OR1J2: variants seen among roughly 807,000 people sequenced by gnomAD.
OR1J2 encodes the protein olfactory receptor 1J2.
For synonymous variants in OR1J2, 142 were observed against 99.7 expected (o/e 1.42, Z -2.52); for missense variants, 304 against 246.1 (o/e 1.24, Z -1.57).
the OR1J2 span, among the ~76,000 whole-genome samples, chr9:122,531,852 T>TGC: frequency 3.9e-5 from 6 of 152,296 alleles, no homozygotes; most frequent in South Asian, 4.1e-4. Flanking sequence ...GAAATGACCA[T>TGC]GGTGGCCTTC....
At chr9:122,577,881 GTGTT>G in the OR1J2 span, among the ~76,000 whole-genome samples, 20,619 of 152,058 alleles carry the variant, frequency 0.14, 1,501 homozygotes, top group Middle Eastern at 0.2. Context: ...ACCAAATATA[GTGTT>G]TGTTTGGCAT....
At chr9:122,450,746 C>A in the OR1J2 span, among the ~76,000 whole-genome samples, 1 of 152,158 alleles carries the variant, frequency 6.6e-6, no homozygotes, top group Non-Finnish European at 1.5e-5. Context: ...TTGCTTTTCC[C>A]TGTCCATTCC....
At chr9:122,535,720 C>T in the OR1J2 span, among the ~76,000 whole-genome samples, 4 of 152,024 alleles carry the variant, frequency 2.6e-5, no homozygotes, top group Non-Finnish European at 1.5e-5. Context: ...AGGGAGGTCC[C>T]CTGATCCGAG....
the OR1J2 span, among the ~76,000 whole-genome samples, chr9:122,566,707 CA>C: frequency 1.3e-5 from 2 of 152,084 alleles, no homozygotes; most frequent in African/African-American, 4.8e-5. Flanking sequence ...TCACAATATT[CA>C]ATACACATTT....
chr9:122,491,407 AAG>A, the OR1J2 span, among the ~76,000 whole-genome samples: 15 of 151,930 alleles, frequency 9.9e-5, no homozygotes, highest in Non-Finnish European at 1.9e-4. Flanking sequence ...GCTGAGGAAA[AAG>A]AAGAAGGAGG....
At chr9:122,471,267 A>G in the OR1J2 span, 3 of 152,174 alleles carry the variant, frequency 2.0e-5, no homozygotes, top group Admixed American at 6.5e-5. Flanking sequence ...TACTGTTCTC[A>G]TGGTAGTGAA....
chr9:122,484,194 G>A, the OR1J2 span, among the ~76,000 whole-genome samples: 1 of 151,830 alleles, frequency 6.6e-6, no homozygotes, highest in Non-Finnish European at 1.5e-5. Flanking sequence ...ACAAAGTCTC[G>A]CTCTGTCGCC....
chr9:122,532,615 A>G, the OR1J2 span, among the ~76,000 whole-genome samples: 59 of 146,646 alleles, frequency 4.0e-4, 11 homozygotes, highest in African/African-American at 1.4e-3. Flanking sequence ...TATATGCATC[A>G]GGTGTGAGGA....
At chr9:122,544,419 T>C in the OR1J2 span, among the ~76,000 whole-genome samples, 3 of 142,210 alleles carry the variant, frequency 2.1e-5, no homozygotes, top group Non-Finnish European at 3.1e-5. Flanking sequence ...TTTTTTCTTT[T>C]TTTTTTTTTT....
the OR1J2 span, among the ~76,000 whole-genome samples, chr9:122,558,311 CTTTTTTTTTTTTT>C: frequency 8.7e-5 from 3 of 34,472 alleles, no homozygotes; most frequent in East Asian, 1.3e-3. Context: ...TTGGATTTTG[CTTTTTTTTTTTTT>C]TTTTTTTTTT....
chr9:122,481,187 G>A, the OR1J2 span, among the ~76,000 whole-genome samples: 3 of 152,184 alleles, frequency 2.0e-5, no homozygotes, highest in Admixed American at 2.0e-4. Flanking sequence ...GTGAGAACAT[G>A]CAGTATTTGG....
At chr9:122,538,081 T>G in the OR1J2 span, among the ~76,000 whole-genome samples, 2,752 of 152,226 alleles carry the variant, frequency 0.018, 40 homozygotes, top group Middle Eastern at 0.027. Flanking sequence ...TCTATGCAAG[T>G]CACCTGTGTA....
the OR1J2 span, among the ~76,000 whole-genome samples, chr9:122,466,969 C>T: frequency 5.3e-5 from 8 of 152,186 alleles, no homozygotes; most frequent in East Asian, 9.7e-4. Flanking sequence ...CAGGTGCCCA[C>T]GACCATGCCC....
At chr9:122,529,528 G>T in the OR1J2 span, among the ~76,000 whole-genome samples, 26 of 152,080 alleles carry the variant, frequency 1.7e-4, no homozygotes, top group Admixed American at 1.3e-3. Context: ...CTCAAAAAAG[G>T]GTCCAAAGCA....
chr9:122,514,368 A>T (rs139976977), downstream of OR1J2, among the ~76,000 whole-genome samples: 946 of 152,298 alleles, frequency 6.2e-3, 10 homozygotes, highest in African/African-American at 0.021. Flanking sequence ...ATAAGTGAGA[A>T]CATGCAGTAT....
At chr9:122,470,214 C>T in the OR1J2 span, among the ~76,000 whole-genome samples, 1 of 152,166 alleles carries the variant, frequency 6.6e-6, no homozygotes, top group African/African-American at 2.4e-5. Flanking sequence ...GTTTTGTGGG[C>T]AGGGCCCAGG....
At chr9:122,551,589 G>C in the OR1J2 span, among the ~76,000 whole-genome samples, 1 of 152,150 alleles carries the variant, frequency 6.6e-6, no homozygotes, top group Admixed American at 6.5e-5. Context: ...CAGGTGACCT[G>C]CTAGTCAGGC....
chr9:122,526,272 G>A, the OR1J2 span: 1 of 673,350 alleles, frequency 1.5e-6, no homozygotes, highest in Non-Finnish European at 2.3e-6. Context: ...ACAATCTTAT[G>A]GCTAGTGTGT....
chr9:122,569,927 G>T, the OR1J2 span, among the ~76,000 whole-genome samples: 1 of 151,152 alleles, frequency 6.6e-6, no homozygotes, highest in Non-Finnish European at 1.5e-5. Flanking sequence ...AGAATATGCG[G>T]TGTTTGGTTT....
Sources: allele counts gnomAD v4.1 joint callset (sites outside exome capture counted in the v4.1 genomes callset), GRCh38; gene constraint gnomAD v4.1.1; transcripts MANE v1.5; gene names NCBI Gene and HGNC (gene_info 2026-07-23, HGNC 2026-07-21).